The following LTBP1 variants were observed in gnomAD, a reference collection of about 807,000 sequenced individuals.
LTBP1 encodes latent transforming growth factor beta binding protein 1.
LTBP1 carries 129 observed loss-of-function variants against 207.6 expected under a neutral mutation model. The observed-to-expected ratio is 0.62, with a 90% confidence interval of 0.54 to 0.72. LTBP1 has a LOEUF of 0.72. LTBP1 is among the 30% of genes least tolerant of loss of function. LTBP1 has a pLI of 0.00. For missense variants in LTBP1, 2,281 were observed against 2,217.2 expected (o/e 1.03, Z -0.58); for synonymous variants, 963 against 833.7 (o/e 1.16, Z -2.67).
chr2:33,393,757 T>C (rs945090178), intron 32 of LTBP1, among the ~76,000 whole-genome samples: 1 of 152,218 alleles, frequency 6.6e-6, no homozygotes, highest in African/African-American at 2.4e-5. Context: ...AGCATACATG[T>C]GCATGTGTCT....
At chr2:33,015,529 C>T (rs1455146346) in intron 2 of LTBP1, among the ~76,000 whole-genome samples, 1 of 151,720 alleles carries the variant, frequency 6.6e-6, no homozygotes, top group African/African-American at 2.4e-5. Flanking sequence ...CAGCTTATAA[C>T]CTAGTTGGCA....
intron 9 of LTBP1, among the ~76,000 whole-genome samples, chr2:33,238,490 C>A (rs750689876): frequency 6.6e-6 from 1 of 152,172 alleles, no homozygotes; most frequent in African/African-American, 2.4e-5. Flanking sequence ...TCAGCCCTGG[C>A]AACTGGCAGA....
intron 2 of LTBP1, among the ~76,000 whole-genome samples, chr2:32,983,281 C>A (rs534026195): frequency 6.6e-6 from 1 of 152,288 alleles, no homozygotes; most frequent in African/African-American, 2.4e-5. Context: ...GCTAATTTCT[C>A]CCATTTGAAA....
chr2:33,051,924 T>C (rs1361838803), intron 3 of LTBP1, among the ~76,000 whole-genome samples: 1 of 152,244 alleles, frequency 6.6e-6, no homozygotes, highest in African/African-American at 2.4e-5. Context: ...ATACAGTCTC[T>C]TTAAAAGTTT....
chr2:33,030,492 G>A (rs551568499), intron 3 of LTBP1, among the ~76,000 whole-genome samples: 1 of 152,304 alleles, frequency 6.6e-6, no homozygotes, highest in African/African-American at 2.4e-5. Context: ...TTTCCGTGTA[G>A]TGAGGCAGGC....
chr2:33,048,326 G>C (rs2076549301), intron 3 of LTBP1, among the ~76,000 whole-genome samples: 1 of 152,214 alleles, frequency 6.6e-6, no homozygotes, highest in Non-Finnish European at 1.5e-5. Flanking sequence ...ACCTTCAGAG[G>C]ATTCTGGGAG....
At chr2:33,364,027 GT>G (rs2094955706) in intron 29 of LTBP1, among the ~76,000 whole-genome samples, 188 bp from the exon 30 acceptor site, 1 of 152,186 alleles carries the variant, frequency 6.6e-6, no homozygotes, top group Non-Finnish European at 1.5e-5. Flanking sequence ...CAGCAATGTT[GT>G]TTTTCAGTCA....
intron 7 of LTBP1, among the ~76,000 whole-genome samples, chr2:33,198,164 T>A (rs1367987108): frequency 6.6e-6 from 1 of 152,134 alleles, no homozygotes; most frequent in Admixed American, 6.5e-5. Context: ...ATCAGGTGGT[T>A]TTTGTCTTTG....
chr2:32,963,610 C>T (rs1679486027), intron 2 of LTBP1, among the ~76,000 whole-genome samples: 1 of 152,132 alleles, frequency 6.6e-6, no homozygotes, highest in Non-Finnish European at 1.5e-5. Context: ...GTGTTTTGTA[C>T]CTTTAGGTCT....
At chr2:33,068,303 A>C (rs1466334412) in intron 3 of LTBP1, among the ~76,000 whole-genome samples, 1 of 151,874 alleles carries the variant, frequency 6.6e-6, no homozygotes, top group African/African-American at 2.4e-5. Flanking sequence ...TAATTTTTAG[A>C]TTCACAGCCA....
intron 3 of LTBP1, among the ~76,000 whole-genome samples, chr2:33,095,297 T>C (rs1053465422): frequency 6.1e-4 from 93 of 152,124 alleles, no homozygotes; most frequent in Non-Finnish European, 1.3e-4. Context: ...GGAAGTTAAC[T>C]AAAGAAAGAA....
At chr2:33,365,626 C>CGTGTGT (rs144867482) in intron 31 of LTBP1, 123 bp downstream of exon 31, 57,662 of 709,764 alleles carry the variant, frequency 0.081, 2,022 homozygotes, top group African/African-American at 0.24. Context: ...ACTTTCATCC[C>CGTGTGT]GTGTGTGTGT....
At chr2:33,210,675 A>G (rs1273247149) in intron 7 of LTBP1, among the ~76,000 whole-genome samples, 1 of 152,156 alleles carries the variant, frequency 6.6e-6, no homozygotes, top group Non-Finnish European at 1.5e-5. Context: ...TTAGCTCCAC[A>G]TCTTCTCTGA....
intron 3 of LTBP1, among the ~76,000 whole-genome samples, chr2:33,100,176 A>G (rs887836218): frequency 6.6e-6 from 1 of 152,222 alleles, no homozygotes; most frequent in African/African-American, 2.4e-5. Flanking sequence ...TGGAGAGCAT[A>G]ACGTGTTCCG....
intron 7 of LTBP1, among the ~76,000 whole-genome samples, chr2:33,213,654 G>A (rs1357395005): frequency 6.6e-6 from 1 of 152,182 alleles, no homozygotes; most frequent in East Asian, 1.9e-4. Flanking sequence ...CCCTGAGTAT[G>A]GCCACAGAGA....
At chr2:33,208,304 A>G (rs2090029103) in intron 7 of LTBP1, among the ~76,000 whole-genome samples, 2 of 152,210 alleles carry the variant, frequency 1.3e-5, no homozygotes, top group African/African-American at 4.8e-5. Context: ...TACACCCAAG[A>G]TCTGCATTTC....
intron 7 of LTBP1, among the ~76,000 whole-genome samples, chr2:33,214,195 G>C (rs1326606831): frequency 6.6e-6 from 1 of 152,188 alleles, no homozygotes; most frequent in Non-Finnish European, 1.5e-5. Context: ...CCCTAAGCAT[G>C]CTTTGGCAGC....
intron 15 of LTBP1, among the ~76,000 whole-genome samples, chr2:33,265,185 A>T (rs775463931): frequency 5.9e-5 from 9 of 152,206 alleles, no homozygotes; most frequent in Admixed American, 2.6e-4. Flanking sequence ...ACCCTCACAG[A>T]CACACCCAGA....
chr2:33,177,949 C>T (rs2086225486), intron 5 of LTBP1, among the ~76,000 whole-genome samples: 1 of 152,130 alleles, frequency 6.6e-6, no homozygotes, highest in Non-Finnish European at 1.5e-5. Context: ...GCCAAAAGCC[C>T]TTGCTTGCTT....
Sources: gnomAD v4.1 joint callset for allele counts (sites outside exome capture counted in the v4.1 genomes callset) on GRCh38, gnomAD v4.1.1 for gene constraint, MANE v1.5 for transcripts, NCBI Gene and HGNC (gene_info 2026-07-23, HGNC 2026-07-21) for gene names.